The following MEI4 variants were observed in gnomAD, a reference collection of about 807,000 sequenced individuals.
MEI4 encodes meiosis-specific protein MEI4.
MEI4 carries 27 observed loss-of-function variants against 31.4 expected under a neutral mutation model. The observed-to-expected ratio is 0.86, with a 90% confidence interval of 0.63 to 1.19. The LOEUF is 1.19. Among genes scored for constraint, MEI4 ranks in the 50% most tolerant of loss-of-function variants. The pLI is 0.00. For synonymous variants in MEI4, 122 were observed against 145.4 expected (o/e 0.84, Z 1.16); for missense variants, 329 against 398.9 (o/e 0.82, Z 1.49).
At position 77,687,737 on chromosome 6, in the gene MEI4, G is replaced by A. The variant is rs145513526; in HGVS notation, c.-14-2921G>A. 1.1e-4 allele frequency among the ~76,000 whole-genome samples: 16 copies of A among 152,146 alleles called. 2 individuals are homozygous for A. In the East Asian group the frequency reaches 3.1e-3, roughly 29 times the overall value. ...AATACAGCACAGGAACAGCCAAATG[G>A]GAGAGATGCATAGGGCCATGTATGG... On this transcript the variant is annotated intron_variant, in intron 1 of 4. Transcript: ENST00000684080.
At chr6:77,915,418 G>C (rs1297795381) in intron 4 of MEI4, among the ~76,000 whole-genome samples, 1 of 151,934 alleles carries the variant, frequency 6.6e-6, no homozygotes, top group African/African-American at 2.4e-5. Flanking sequence ...ATTCTTGACT[G>C]GCAGGTTTTT....
At chr6:77,865,982 A>G (rs1771015358) in intron 4 of MEI4, among the ~76,000 whole-genome samples, 1 of 152,214 alleles carries the variant, frequency 6.6e-6, no homozygotes. Flanking sequence ...CAAAAACCAC[A>G]TGATTATCTC....
At chr6:77,695,188 A>G (rs1193648046) in intron 2 of MEI4, among the ~76,000 whole-genome samples, 1 of 152,146 alleles carries the variant, frequency 6.6e-6, no homozygotes, top group South Asian at 2.1e-4. Context: ...AGTAGGTTGC[A>G]AAAATTTTCT....
chr6:77,825,101 A>G (rs533315338), intron 3 of MEI4, among the ~76,000 whole-genome samples: 3 of 152,130 alleles, frequency 2.0e-5, no homozygotes, highest in African/African-American at 7.2e-5. Flanking sequence ...GATGTATCTG[A>G]TATTAGAAAT....
intron 4 of MEI4, among the ~76,000 whole-genome samples, chr6:77,905,951 C>G (rs895421812): frequency 6.6e-6 from 1 of 151,616 alleles, no homozygotes; most frequent in African/African-American, 2.4e-5. Context: ...GTCTCTAAAT[C>G]TTTTTTCCTA....
chr6:77,782,674 C>G (rs1768624728), intron 3 of MEI4, among the ~76,000 whole-genome samples: 1 of 152,096 alleles, frequency 6.6e-6, no homozygotes, highest in African/African-American at 2.4e-5. Flanking sequence ...GGCCACTTCT[C>G]TAATTTCACA....
At chr6:77,774,401 TAA>T (rs1033187757) in intron 3 of MEI4, among the ~76,000 whole-genome samples, 2 of 152,082 alleles carry the variant, frequency 1.3e-5, no homozygotes, top group Admixed American at 1.3e-4. Context: ...TTAAATGAAA[TAA>T]GTGAGGCCCA....
At chr6:77,918,178 G>T (rs867292597) in intron 4 of MEI4, among the ~76,000 whole-genome samples, 327 of 151,986 alleles carry the variant, frequency 2.2e-3, no homozygotes, top group African/African-American at 7.2e-3. Context: ...TAGCCTTGTA[G>T]TATAGTTTGA....
chr6:77,657,749 A>G (rs973926418), intron 1 of MEI4, among the ~76,000 whole-genome samples: 1 of 152,146 alleles, frequency 6.6e-6, no homozygotes, highest in Non-Finnish European at 1.5e-5. Flanking sequence ...TTAGTCAAGG[A>G]GCTCATGCAT....
At chr6:77,774,195 A>G (rs1293548867) in intron 3 of MEI4, among the ~76,000 whole-genome samples, 1 of 152,102 alleles carries the variant, frequency 6.6e-6, no homozygotes, top group Non-Finnish European at 1.5e-5. Flanking sequence ...AGTACATCAA[A>G]GAGATATCTG....
chr6:77,793,460 A>G (rs1438312567), intron 3 of MEI4, among the ~76,000 whole-genome samples: 1 of 152,226 alleles, frequency 6.6e-6, no homozygotes, highest in Non-Finnish European at 1.5e-5. Flanking sequence ...GATAAAACTC[A>G]CTGGAAAAGG....
chr6:77,757,924 G>A (rs777870818), intron 2 of MEI4, among the ~76,000 whole-genome samples: 2 of 152,050 alleles, frequency 1.3e-5, no homozygotes, highest in Non-Finnish European at 2.9e-5. Context: ...TTGGGAGGCC[G>A]AGGCGGGTGG....
At chr6:77,863,222 A>T (rs1442848984) in intron 4 of MEI4, among the ~76,000 whole-genome samples, 12 of 152,320 alleles carry the variant, frequency 7.9e-5, no homozygotes, top group African/African-American at 2.9e-4. Context: ...CAATGGAACA[A>T]AGCTGGATAG....
At chr6:77,868,502 CATATATATATATAT>C (rs58946198) in intron 4 of MEI4, among the ~76,000 whole-genome samples, 2 of 90,068 alleles carry the variant, frequency 2.2e-5, no homozygotes, top group South Asian at 4.7e-4. Context: ...AAAAATACTA[CATATATATATATAT>C]ATATATATAT....
chr6:77,727,642 A>C (rs982443641), intron 2 of MEI4, among the ~76,000 whole-genome samples: 1 of 152,222 alleles, frequency 6.6e-6, no homozygotes, highest in Admixed American at 6.5e-5. Context: ...GTAAGGTTTT[A>C]GAAAATAAAT....
chr6:77,922,071 G>A (rs1272885697), intron 4 of MEI4, among the ~76,000 whole-genome samples: 1 of 151,406 alleles, frequency 6.6e-6, no homozygotes, highest in East Asian at 1.9e-4. Context: ...TATCTGGGAG[G>A]TACAATAATG....
intron 3 of MEI4, among the ~76,000 whole-genome samples, chr6:77,823,971 T>A (rs1177079528): frequency 3.3e-5 from 5 of 152,200 alleles, no homozygotes; most frequent in African/African-American, 1.2e-4. Context: ...AGTAATTTTT[T>A]AAATCTGGCA....
At chr6:77,917,238 C>A (rs1483476729) in intron 4 of MEI4, among the ~76,000 whole-genome samples, 3 of 151,682 alleles carry the variant, frequency 2.0e-5, no homozygotes, top group Non-Finnish European at 4.4e-5. Context: ...CATACGTGTG[C>A]ATGTGTCTTT....
intron 1 of MEI4, among the ~76,000 whole-genome samples, chr6:77,665,373 G>T (rs1391131492): frequency 6.6e-6 from 1 of 151,138 alleles, no homozygotes; most frequent in East Asian, 2.0e-4. Context: ...GGGACTTGCC[G>T]CTAAGGGTGA....
Sources: allele counts gnomAD v4.1 joint callset (sites outside exome capture counted in the v4.1 genomes callset), GRCh38; gene constraint gnomAD v4.1.1; transcripts MANE v1.5; gene names NCBI Gene and HGNC (gene_info 2026-07-23, HGNC 2026-07-21).